ABHD2: variants seen among roughly 807,000 people sequenced by gnomAD.
The protein encoded by ABHD2 is abhydrolase domain containing 2, acylglycerol lipase.
A neutral mutation model predicts 48.1 loss-of-function variants in ABHD2; 20 were observed. That is an observed-to-expected ratio of 0.42 (90% CI 0.29 to 0.60). The LOEUF (loss-of-function observed/expected upper bound fraction) is 0.60, where lower values mean the gene tolerates loss of function less well. Among genes scored for constraint, ABHD2 ranks in the 20% least tolerant of loss-of-function variants. ABHD2 has a pLI of 0.24. For missense variants in ABHD2, 405 were observed against 550.9 expected (o/e 0.74, Z 2.65); for synonymous variants, 209 against 214.2 (o/e 0.98, Z 0.21).
chr15:89,116,664 A>G lies in ABHD2; in HGVS notation c.194+143A>G. On this transcript the variant is annotated intron_variant, in intron 3 of 10. Coordinates refer to ENST00000352732, the MANE Select transcript of ABHD2 (RefSeq NM_152924.5). This position sits in a 1 kb window ranked among gnomAD's most constrained non-coding sequence, Gnocchi z 4.6. ...CTGGTGTTAAAATAGCCACAGTCTG[A>G]TTGCAGTCTAGTGTTTGAATCCTGG... The G allele has an allele frequency of 1.2e-6, 1 of 861,246 alleles. No homozygotes were observed. Among genetic ancestry groups the G allele is most frequent in the Non-Finnish European group, 1.8e-6 (1 of 570,822 alleles). 53.4% of individuals were successfully genotyped at this position (861,246 alleles called of 1,614,324 possible). A position where few individuals can be genotyped will look rare whatever the true frequency, so the allele number is the denominator to read the frequency against.
rs372134608 is a variant in ABHD2, at chr15:89,185,392, G to A, written c.723-32G>A. 1.3e-5 allele frequency: 20 copies of A among 1,594,996 alleles called. No individual in the cohort carries two copies. Among genetic ancestry groups the A allele is most frequent in the African/African-American group, 5.4e-5 (4 of 74,568 alleles). On this transcript the variant is annotated intron_variant, in intron 6 of 10. Coordinates refer to ENST00000352732, the MANE Select transcript of ABHD2 (RefSeq NM_152924.5). The surrounding 1 kb of genome is among the most constrained non-coding windows in gnomAD (Gnocchi z 5.9). ...GGCTGCCCGCCTGCACCCCCACACCGCAGTCACCCTCACTCGCTGTGGTTC... is the reference window on the plus strand; with the variant it reads ...GGCTGCCCGCCTGCACCCCCACACCACAGTCACCCTCACTCGCTGTGGTTC...
chr15:89,138,872 T>C (rs1210224224), intron 3 of ABHD2, among the ~76,000 whole-genome samples: 2 of 152,082 alleles, frequency 1.3e-5, no homozygotes, highest in African/African-American at 2.4e-5. Context: ...TTTTCTTTTT[T>C]TTTCCTCATT....
intron 4 of ABHD2, among the ~76,000 whole-genome samples, chr15:89,153,436 C>A (rs2050623935): frequency 6.6e-6 from 1 of 152,142 alleles, no homozygotes; most frequent in South Asian, 2.1e-4. Context: ...TAAATGTTTT[C>A]TTTCCCTTAT....
At position 89,155,363 on chromosome 15, in the gene ABHD2, A is replaced by G. The variant is rs540998712; in HGVS notation, c.371-4A>G. On this transcript the variant is annotated splice_polypyrimidine_tract_variant and splice_region_variant and intron_variant, in intron 4 of 10. Coordinates refer to ENST00000352732, the MANE Select transcript of ABHD2 (RefSeq NM_152924.5). The surrounding 1 kb of genome is among the most constrained non-coding windows in gnomAD (Gnocchi z 4.9). Reference sequence around the variant, plus strand: ...ACATCAGGATCTCTTTCTCTACGCTATAGATGATATCACCATGGTCATCTG... The same window carrying G: ...ACATCAGGATCTCTTTCTCTACGCTGTAGATGATATCACCATGGTCATCTG... The G allele has an allele frequency of 1.4e-5, 23 of 1,613,668 alleles. No individual in the cohort carries two copies. The highest frequency in any genetic ancestry group is 8.9e-5 in the East Asian group (4 of 44,870).
At chr15:89,049,139 C>T in the ABHD2 span, among the ~76,000 whole-genome samples, 4 of 152,046 alleles carry the variant, frequency 2.6e-5, no homozygotes, top group African/African-American at 2.4e-5. Flanking sequence ...TTGGAGTACC[C>T]GGCCGGCCGT....
intron 4 of ABHD2, among the ~76,000 whole-genome samples, chr15:89,153,271 A>G (rs2050621863): frequency 6.6e-6 from 1 of 152,194 alleles, no homozygotes; most frequent in South Asian, 2.1e-4. Context: ...TGTATTATTT[A>G]TCTGCTAGAA....
At chr15:89,181,341 T>G (rs1420505842) in intron 6 of ABHD2, among the ~76,000 whole-genome samples, 1 of 151,952 alleles carries the variant, frequency 6.6e-6, no homozygotes, top group Non-Finnish European at 1.5e-5. Context: ...AATCCCCTCC[T>G]TCTACAAGTA....
chr15:89,198,196 G>C lies in ABHD2; in HGVS notation c.*2773G>C, dbSNP rs2051434194. 1 of 152,134 alleles carries C rather than the reference G, an allele frequency of 6.6e-6. No individual in the cohort carries two copies. The highest frequency in any genetic ancestry group is 2.1e-4 in the South Asian group (1 of 4,826). The allele number at this position is 152,134 out of a possible 1,614,324, so 9.4% of individuals were successfully genotyped here. ...AAGGCTGAATTTTTAAAGAGTATTT[G>C]AATATATTTTAGAATCAAATTGAGG... On this transcript the variant is annotated 3_prime_UTR_variant, in exon 11 of 11. Coordinates refer to ENST00000352732, the MANE Select transcript of ABHD2 (RefSeq NM_152924.5). The surrounding 1 kb of genome is among the most constrained non-coding windows in gnomAD (Gnocchi z 5.1).
Position 89,185,459 on chromosome 15 carries a change from G to A in ABHD2, c.758G>A (p.Arg253Gln), listed in dbSNP as rs17851730. Residue 253 changes from arginine to glutamine, a missense_variant, in exon 7 of 11, where the codon CGG (arginine) becomes CAG (glutamine). Arg to Gln is a conservative substitution (Grantham distance 43). Coordinates refer to ENST00000352732, the MANE Select transcript of ABHD2 (RefSeq NM_152924.5). This position sits in a 1 kb window ranked among gnomAD's most constrained non-coding sequence, Gnocchi z 5.9. ...QETFMQWDQCRRFYNFLMADN... is the reference protein window; with the variant it reads ...QETFMQWDQCQRFYNFLMADN... ...ACCTTCATGCAATGGGATCAGTGCC[G>A]GCGGTTCTACAACTTCCTCATGGCT... is the stretch of plus-strand genomic sequence containing the variant. 2.5e-6 allele frequency: 4 copies of A among 1,614,140 alleles called. No homozygotes were observed. The highest frequency in any genetic ancestry group is 1.7e-5 in the Admixed American group (1 of 60,014).
intron 5 of ABHD2, among the ~76,000 whole-genome samples, chr15:89,162,696 C>A (rs1193301897): frequency 3.3e-5 from 5 of 152,168 alleles, no homozygotes; most frequent in East Asian, 1.9e-4. Flanking sequence ...AAAGCTCCCC[C>A]CCAACCCCAG....
intron 3 of ABHD2, chr15:89,135,600 ATCTTCCTCC>A (rs1381040233): frequency 4.5e-6 from 7 of 1,541,862 alleles, no homozygotes; most frequent in South Asian, 2.3e-5. Flanking sequence ...CATCTTCCTC[ATCTTCCTCC>A]TCTTCCTTCT....
intron 3 of ABHD2, among the ~76,000 whole-genome samples, chr15:89,138,341 TG>T (rs1171615741): frequency 6.6e-6 from 1 of 152,216 alleles, no homozygotes; most frequent in East Asian, 1.9e-4. Flanking sequence ...CTTGTCCTCC[TG>T]GGTTTATTCT....
chr15:89,078,782 G>A, the ABHD2 span, among the ~76,000 whole-genome samples: 2 of 150,130 alleles, frequency 1.3e-5, no homozygotes, highest in African/African-American at 2.5e-5. Flanking sequence ...CCAGGCTGGA[G>A]TGCAGTGGCA....
intron 5 of ABHD2, among the ~76,000 whole-genome samples, chr15:89,161,606 G>A (rs1204823462): frequency 1.3e-5 from 2 of 152,094 alleles, no homozygotes; most frequent in Admixed American, 1.3e-4. Flanking sequence ...TCACCATGTT[G>A]GCCAGACTGG....
chr15:89,193,241 G>A lies in ABHD2; in HGVS notation c.1003G>A (p.Val335Ile). The A allele has an allele frequency of 6.2e-7, 1 of 1,614,130 alleles. No individual in the cohort carries two copies. ...SCMRYLHRIYVPLMLVNAADD... is the reference protein window; with the variant it reads ...SCMRYLHRIYIPLMLVNAADD... ...CTTTATGTTCTTGTTGCAGATTTAT[G>A]TTCCTCTCATGCTGGTTAATGCAGC... The change falls in exon 10 of 11, where the codon GTT becomes ATT. Residue 335 changes from valine to isoleucine, a missense_variant. By Grantham distance (29) the Val-to-Ile change is conservative. Coordinates refer to ENST00000352732, the MANE Select transcript of ABHD2 (RefSeq NM_152924.5).
At chr15:89,147,893 G>T (rs992364522) in intron 3 of ABHD2, among the ~76,000 whole-genome samples, 18 of 151,388 alleles carry the variant, frequency 1.2e-4, no homozygotes, top group Admixed American at 1.1e-3. Flanking sequence ...GAAGTGGGCT[G>T]ATCACCTGAG....
intron 3 of ABHD2, among the ~76,000 whole-genome samples, chr15:89,141,490 A>G (rs965227750): frequency 1.2e-4 from 18 of 152,284 alleles, no homozygotes; most frequent in African/African-American, 4.3e-4. Context: ...AAAATTAGCC[A>G]GGCATGGTGG....
intron 3 of ABHD2, chr15:89,136,245 C>G: frequency 2.9e-6 from 1 of 344,732 alleles, no homozygotes; most frequent in Admixed American, 3.5e-5. Context: ...TCTTTTTTGT[C>G]TCCCCTTTAG....
At chr15:89,115,491 A>C (rs899170322) in intron 2 of ABHD2, among the ~76,000 whole-genome samples, 2 of 151,962 alleles carry the variant, frequency 1.3e-5, no homozygotes, top group East Asian at 1.9e-4. Flanking sequence ...GGGAAAGGCC[A>C]GATGAGCATA....
Sources: gnomAD v4.1 joint callset for allele counts (sites outside exome capture counted in the v4.1 genomes callset) on GRCh38, gnomAD v4.1.1 for gene constraint, Gnocchi (gnomAD v3.1) non-coding constraint, MANE v1.5 for transcripts, NCBI Gene and HGNC (gene_info 2026-07-23, HGNC 2026-07-21) for gene names.